The following CDC14B variants were observed in gnomAD, a reference collection of about 807,000 sequenced individuals.
CDC14B encodes the protein dual specificity protein phosphatase CDC14B.
Under a neutral mutation model 64.2 loss-of-function variants are expected in CDC14B, and 22 were observed. The ratio of observed to expected loss-of-function variants is 0.34; its 90% CI spans 0.24 to 0.49. CDC14B has a LOEUF of 0.49. Ranked by LOEUF, CDC14B falls within the 20% of genes least tolerant of loss-of-function variation. CDC14B has a pLI of 0.99. For missense variants in CDC14B, 498 were observed against 629.9 expected, an observed-to-expected ratio of 0.79 and a Z score of 2.24; for synonymous variants, 191 against 215.8, an observed-to-expected ratio of 0.89 and a Z score of 1.01.
At chr9:96,519,722 C>T (rs1836370279) in intron 12 of CDC14B, among the ~76,000 whole-genome samples, 1 of 132,676 alleles carries the variant, frequency 7.5e-6, no homozygotes, top group South Asian at 2.4e-4. Context: ...CAGAGCAAGA[C>T]TCTGTCTTAA....
At chr9:96,534,702 A>G (rs10118995) in intron 7 of CDC14B, among the ~76,000 whole-genome samples, 160 bp from the exon 8 acceptor site, 9,573 of 152,238 alleles carry the variant, frequency 0.063, 954 homozygotes, top group African/African-American at 0.22. Context: ...CCCTGCTATA[A>G]GTATATCTAG....
Position 96,555,566 on chromosome 9 carries a change from G to T in CDC14B, c.421-3694C>A, listed in dbSNP as rs13291511. Among the ~76,000 whole-genome samples the T allele has an allele frequency of 5.0e-3, 757 of 152,326 alleles. 3 individuals are homozygous for T. The highest frequency in any genetic ancestry group is 8.2e-3 in the Non-Finnish European group (560 of 68,038). On this transcript the variant is annotated intron_variant, in intron 4 of 13. Coordinates refer to ENST00000375241, the MANE Select transcript of CDC14B (RefSeq NM_033331.4). ...TGCAGTAATTTGCTGGGCAGCAATAGTGTGCAGTAGCACACTCAATTTAAG... is the reference window on the plus strand; with the variant it reads ...TGCAGTAATTTGCTGGGCAGCAATATTGTGCAGTAGCACACTCAATTTAAG...
chr9:96,493,923 T>C (rs1468701017), intron 13 of CDC14B, among the ~76,000 whole-genome samples: 1 of 152,212 alleles, frequency 6.6e-6, no homozygotes, highest in African/African-American at 2.4e-5. Flanking sequence ...CTCCCAGGAC[T>C]CGCGCTGCCT....
chr9:96,606,052 G>A lies in CDC14B; in HGVS notation c.160+13167C>T, dbSNP rs371287140. 2.0e-4 allele frequency among the ~76,000 whole-genome samples: 30 copies of A among 151,784 alleles called. No individual in the cohort carries two copies. The South Asian group carries it at 6.3e-3, about 32-fold the overall frequency. ...TCTCTATATTAAAATAATATTTGCT[G>A]CCCGGGAATGGTGGCTCATGCCTGT... On this transcript the variant is annotated intron_variant, in intron 1 of 13. Transcript: ENST00000375241.
downstream of CDC14B, among the ~76,000 whole-genome samples, chr9:96,496,760 C>T (rs1275898850): frequency 6.6e-6 from 1 of 152,256 alleles, no homozygotes; most frequent in Non-Finnish European, 1.5e-5. Context: ...GTCCCGCGCC[C>T]TCCCTCCGAG....
At chr9:96,618,778 G>T in intron 1 of CDC14B, 1 of 353,314 alleles carries the variant, frequency 2.8e-6, no homozygotes, top group South Asian at 2.1e-5. Context: ...CCCGTGCCAG[G>T]CGCGTTCAGC....
intron 5 of CDC14B, among the ~76,000 whole-genome samples, chr9:96,543,382 T>C (rs182206836): frequency 1.3e-5 from 2 of 152,220 alleles, no homozygotes; most frequent in Admixed American, 1.3e-4. Flanking sequence ...CTTCTCACCT[T>C]TTTGGCCTCC....
intron 1 of CDC14B, among the ~76,000 whole-genome samples, chr9:96,606,579 T>TGTGTGTGTGTGTGTG (rs1846955059): frequency 1.2e-5 from 1 of 82,558 alleles, no homozygotes; most frequent in African/African-American, 4.1e-5. Context: ...GTGTGTGTGT[T>TGTGTGTGTGTGTGTG]TCTGGAGATG....
At chr9:96,525,331 C>T (rs951896961) in intron 9 of CDC14B, among the ~76,000 whole-genome samples, 1 of 152,100 alleles carries the variant, frequency 6.6e-6, no homozygotes, top group Admixed American at 6.5e-5. Context: ...GGCTTTTGGA[C>T]TTCTGACAGC....
At chr9:96,575,655 C>CA (rs967734311) in intron 1 of CDC14B, among the ~76,000 whole-genome samples, 27 of 151,332 alleles carry the variant, frequency 1.8e-4, no homozygotes, top group African/African-American at 5.8e-4. Flanking sequence ...TTTTAAAATG[C>CA]AAAAAAAATC....
At chr9:96,559,727 C>T (rs1842915306) in intron 4 of CDC14B, among the ~76,000 whole-genome samples, 1 of 152,206 alleles carries the variant, frequency 6.6e-6, no homozygotes, top group Non-Finnish European at 1.5e-5. Context: ...TATAATCCTC[C>T]TGCCAAGCTA....
At chr9:96,539,231 C>A in intron 6 of CDC14B, 91 bp from the exon 7 acceptor site, 1 of 861,302 alleles carries the variant, frequency 1.2e-6, no homozygotes. Flanking sequence ...TCAGGGGCCC[C>A]CCAAGAAAGT....
chr9:96,581,056 C>T (rs377714371), intron 1 of CDC14B, among the ~76,000 whole-genome samples: 2 of 152,016 alleles, frequency 1.3e-5, no homozygotes, highest in African/African-American at 4.8e-5. Context: ...ATAGTGAAAC[C>T]CTGTCTCTAC....
chr9:96,598,368 G>A (rs184144373), intron 1 of CDC14B, among the ~76,000 whole-genome samples: 5 of 152,092 alleles, frequency 3.3e-5, no homozygotes, highest in Non-Finnish European at 7.4e-5. Flanking sequence ...ATGGAGTCTC[G>A]CTCTGTCACC....
chr9:96,563,632 A>G (rs1251165567), intron 3 of CDC14B, among the ~76,000 whole-genome samples: 1 of 150,216 alleles, frequency 6.7e-6, no homozygotes, highest in Non-Finnish European at 1.5e-5. Context: ...CCTGGGCAAC[A>G]AGAGCGAAAC....
intron 4 of CDC14B, among the ~76,000 whole-genome samples, chr9:96,554,658 TAGATAA>T (rs1842270420): frequency 6.6e-6 from 1 of 152,182 alleles, no homozygotes; most frequent in Non-Finnish European, 1.5e-5. Flanking sequence ...AAAGCATAAC[TAGATAA>T]ACTGAAGGAA....
chr9:96,610,621 T>C (rs1847250177), intron 1 of CDC14B, among the ~76,000 whole-genome samples: 1 of 146,778 alleles, frequency 6.8e-6, no homozygotes. Flanking sequence ...ATTAGTCAAA[T>C]AAATGTCTAG....
At chr9:96,570,814 T>A (rs1588008896) in intron 1 of CDC14B, among the ~76,000 whole-genome samples, 1 of 152,080 alleles carries the variant, frequency 6.6e-6, no homozygotes, top group African/African-American at 2.4e-5. Flanking sequence ...GGAGGTGGAG[T>A]GACTAACCTG....
At chr9:96,590,554 A>ATACT (rs1845724245) in intron 1 of CDC14B, among the ~76,000 whole-genome samples, 1 of 152,082 alleles carries the variant, frequency 6.6e-6, no homozygotes, top group South Asian at 2.1e-4. Context: ...AGGAACCTCT[A>ATACT]TACTATTTTC....
Sources: allele counts gnomAD v4.1 joint callset (sites outside exome capture counted in the v4.1 genomes callset), GRCh38; gene constraint gnomAD v4.1.1; transcripts MANE v1.5; gene names NCBI Gene and HGNC (gene_info 2026-07-23, HGNC 2026-07-21).